TRIM55: variants seen among roughly 807,000 people sequenced by gnomAD.
TRIM55 encodes tripartite motif containing 55, also known as tripartite motif-containing protein 55.
TRIM55 carries 50 observed loss-of-function variants against 60.9 expected under a neutral mutation model. The observed-to-expected ratio is 0.82, with a 90% CI of 0.65 to 1.04. The LOEUF (loss-of-function observed/expected upper bound fraction) is 1.04. Among genes scored for constraint, TRIM55 ranks in the 50% least tolerant of loss-of-function variants. The pLI is 0.00. For synonymous variants in TRIM55, 237 were observed against 238.1 expected, an observed-to-expected ratio of 1.00 and a Z score of 0.04; for missense variants, 681 against 666.9, an observed-to-expected ratio of 1.02 and a Z score of -0.23.
At chr8:66,172,307 A>C (rs1032533246) in intron 9 of TRIM55, among the ~76,000 whole-genome samples, 1 of 152,230 alleles carries the variant, frequency 6.6e-6, no homozygotes, top group Admixed American at 6.5e-5. Flanking sequence ...GCCTCTTTGC[A>C]CAGAACTTTC....
intron 9 of TRIM55, among the ~76,000 whole-genome samples, chr8:66,160,810 A>T (rs1272833588): frequency 2.7e-5 from 4 of 148,626 alleles, no homozygotes; most frequent in African/African-American, 4.9e-5. Context: ...GGCCATTTGT[A>T]TATCTTCTTT....
chr8:66,173,762 T>G (rs1354106631), intron 9 of TRIM55, among the ~76,000 whole-genome samples: 1 of 152,242 alleles, frequency 6.6e-6, no homozygotes, highest in Non-Finnish European at 1.5e-5. Flanking sequence ...ACAACATAAG[T>G]AAATTTTGCT....
intron 7 of TRIM55, among the ~76,000 whole-genome samples, chr8:66,150,819 A>G (rs1586216066): frequency 6.6e-6 from 1 of 152,286 alleles, no homozygotes; most frequent in South Asian, 2.1e-4. Flanking sequence ...GGCACCTGCC[A>G]CCACACCCGG....
chr8:66,129,188 A>T (rs1006966027), intron 2 of TRIM55, among the ~76,000 whole-genome samples: 13 of 152,336 alleles, frequency 8.5e-5, no homozygotes, highest in East Asian at 1.9e-4. Flanking sequence ...ATTCATTTTT[A>T]AAAAATAACA....
chr8:66,140,793 C>A (rs755055308), intron 4 of TRIM55, among the ~76,000 whole-genome samples: 3 of 152,212 alleles, frequency 2.0e-5, no homozygotes, highest in Non-Finnish European at 4.4e-5. Flanking sequence ...GCCCGGGGTT[C>A]GTTTTCCTTT....
At chr8:66,119,351 A>G in the TRIM55 span, among the ~76,000 whole-genome samples, 3 of 152,222 alleles carry the variant, frequency 2.0e-5, no homozygotes, top group African/African-American at 7.2e-5. Context: ...GCTTCAAACC[A>G]TATCGGTTTT....
intron 9 of TRIM55, among the ~76,000 whole-genome samples, chr8:66,157,937 A>G (rs1810836248): frequency 6.6e-6 from 1 of 152,200 alleles, no homozygotes; most frequent in Non-Finnish European, 1.5e-5. Context: ...TTGTTAGATC[A>G]GAAGAGTGCT....
intron 9 of TRIM55, among the ~76,000 whole-genome samples, chr8:66,168,443 C>T (rs1302128302): frequency 1.3e-5 from 2 of 152,210 alleles, no homozygotes; most frequent in African/African-American, 4.8e-5. Context: ...TCTGAATAAA[C>T]ATTCTAAACT....
In TRIM55 at chr8:66,150,234, A is replaced by T. The variant is rs764082111; in HGVS notation, c.855A>T (p.Leu285=). 3 of 1,612,954 alleles carry T rather than the reference A, an allele frequency of 1.9e-6. No homozygotes were observed. The highest frequency in any genetic ancestry group is 1.3e-5 in the African/African-American group (1 of 74,904). The change falls in exon 6 of 10, where the codon CTA becomes CTT. Residue 285 remains leucine (L), a synonymous_variant. Coordinates refer to ENST00000315962, the MANE Select transcript of TRIM55 (RefSeq NM_184085.2). ...AVFLQNAKTL[L]KKISEASKAF... ...TTTCACAGAATGCCAAAACCCTGCT[A>T]AAAAAGTAAGAACTTTTTATTTTAT...
intron 4 of TRIM55, among the ~76,000 whole-genome samples, chr8:66,143,777 A>G (rs1183085570): frequency 6.6e-6 from 1 of 152,204 alleles, no homozygotes; most frequent in East Asian, 1.9e-4. Flanking sequence ...CATGTTCTGT[A>G]CACATAATGC....
At chr8:66,122,099 G>C (rs752069564), upstream of TRIM55, among the ~76,000 whole-genome samples, 4 of 152,116 alleles carry the variant, frequency 2.6e-5, no homozygotes, top group African/African-American at 4.8e-5. Flanking sequence ...GCAAGGAATG[G>C]AGAAAAAAGA....
At chr8:66,113,877 G>T in the TRIM55 span, among the ~76,000 whole-genome samples, 1 of 152,192 alleles carries the variant, frequency 6.6e-6, no homozygotes, top group Non-Finnish European at 1.5e-5. Flanking sequence ...GGTATCTGGC[G>T]CTCCCGGAAC....
intron 2 of TRIM55, among the ~76,000 whole-genome samples, chr8:66,133,702 G>A (rs10109794): frequency 6.6e-6 from 1 of 152,056 alleles, no homozygotes; most frequent in Non-Finnish European, 1.5e-5. Flanking sequence ...AGTAATTGAC[G>A]TCCACCTAGC....
chr8:66,146,378 A>G (rs937676068), intron 4 of TRIM55, among the ~76,000 whole-genome samples: 1 of 152,232 alleles, frequency 6.6e-6, no homozygotes, highest in Non-Finnish European at 1.5e-5. Flanking sequence ...AAAAAAAATT[A>G]TATGGTCAAA....
At chr8:66,128,812 C>G (rs978132628) in intron 2 of TRIM55, among the ~76,000 whole-genome samples, 1 of 152,080 alleles carries the variant, frequency 6.6e-6, no homozygotes, top group African/African-American at 2.4e-5. Context: ...ACTTCACAGG[C>G]ACTTTGTAGC....
chr8:66,119,643 G>T, the TRIM55 span, among the ~76,000 whole-genome samples: 2,238 of 152,302 alleles, frequency 0.015, 31 homozygotes, highest in Non-Finnish European at 0.026. Context: ...CCATTCTGGG[G>T]CGAGTGGGGA....
intron 7 of TRIM55, 138 bp from the exon 8 acceptor site, chr8:66,152,239 C>G: frequency 8.2e-7 from 1 of 1,221,316 alleles, no homozygotes; most frequent in Non-Finnish European, 1.1e-6. Flanking sequence ...GCACGGCACA[C>G]TTGGACCATT....
At chr8:66,113,621 T>C in the TRIM55 span, 5 of 455,692 alleles carry the variant, frequency 1.1e-5, no homozygotes, top group East Asian at 3.5e-4. Flanking sequence ...CCATTCGCCC[T>C]GCGGGAACGT....
intron 1 of TRIM55, 88 bp downstream of exon 1, chr8:66,127,524 C>A: frequency 6.8e-7 from 1 of 1,474,166 alleles, no homozygotes; most frequent in Non-Finnish European, 9.3e-7. Flanking sequence ...AGGTGAAATC[C>A]TTTAAAAAAC....
Sources: allele counts gnomAD v4.1 joint callset (sites outside exome capture counted in the v4.1 genomes callset), GRCh38; gene constraint gnomAD v4.1.1; transcripts MANE v1.5; gene names NCBI Gene and HGNC (gene_info 2026-07-23, HGNC 2026-07-21).